ASPH: variants seen among roughly 807,000 people sequenced by gnomAD.
The protein encoded by ASPH is aspartate beta-hydroxylase.
A neutral mutation model predicts 118.4 loss-of-function variants in ASPH; 100 were observed. The ratio of observed to expected loss-of-function variants is 0.84; its 90% CI spans 0.72 to 1.00. ASPH has a LOEUF of 1.00. Among genes scored for constraint, ASPH ranks in the 50% least tolerant of loss-of-function variants. The probability of loss-of-function intolerance (pLI) is 0.00; values close to 1 mark genes in which losing one functional copy is unlikely to be tolerated. For missense variants in ASPH, 920 were observed against 919.5 expected (o/e 1.00, Z -0.01); for synonymous variants, 315 against 325.6 (o/e 0.97, Z 0.35).
intron 14 of ASPH, among the ~76,000 whole-genome samples, chr8:61,617,564 A>C (rs1849465888): frequency 6.6e-6 from 1 of 152,186 alleles, no homozygotes; most frequent in South Asian, 2.1e-4. Context: ...GAGTCAGCCA[A>C]CGGTTTCTGA....
At chr8:61,628,548 G>A (rs189206128) in intron 13 of ASPH, among the ~76,000 whole-genome samples, 17 of 152,030 alleles carry the variant, frequency 1.1e-4, no homozygotes, top group Admixed American at 6.6e-4. Flanking sequence ...TCTTTCACCC[G>A]TCTGGCATGC....
At chr8:61,595,288 A>C (rs1842208652) in intron 14 of ASPH, among the ~76,000 whole-genome samples, 1 of 152,230 alleles carries the variant, frequency 6.6e-6, no homozygotes, top group South Asian at 2.1e-4. Flanking sequence ...AGTAAGAAAT[A>C]GTTAAGTTTA....
intron 13 of ASPH, among the ~76,000 whole-genome samples, chr8:61,629,180 C>T (rs1269756346): frequency 1.3e-5 from 2 of 152,128 alleles, no homozygotes; most frequent in African/African-American, 4.8e-5. Flanking sequence ...GCAGAATTAC[C>T]CAGAAACCAT....
At chr8:61,696,612 C>T (rs145202344) in intron 1 of ASPH, among the ~76,000 whole-genome samples, 16 of 151,878 alleles carry the variant, frequency 1.1e-4, no homozygotes, top group Non-Finnish European at 8.8e-5. Flanking sequence ...GCTCTGCAAA[C>T]GTAATTATTT....
chr8:61,600,159 T>C (rs1283452591), intron 14 of ASPH, among the ~76,000 whole-genome samples: 1 of 152,124 alleles, frequency 6.6e-6, no homozygotes, highest in African/African-American at 2.4e-5. Flanking sequence ...ATCATCTCAA[T>C]AGTTGCAGAA....
At chr8:61,541,247 C>T (rs10098174) in intron 21 of ASPH, among the ~76,000 whole-genome samples, 83,460 of 152,006 alleles carry the variant, frequency 0.55, 26,235 homozygotes, top group Non-Finnish European at 0.7. Context: ...ACCTGTAGTC[C>T]CAGCTACTTG....
chr8:61,653,469 A>G (rs1279214141), intron 4 of ASPH, 99 bp downstream of exon 4: 2 of 1,113,820 alleles, frequency 1.8e-6, no homozygotes, highest in African/African-American at 3.2e-5. Context: ...TCTGTAAATG[A>G]TGTGAAACAA....
chr8:61,714,149 G>C, intron 1 of ASPH, 120 bp downstream of exon 1: 1 of 1,261,792 alleles, frequency 7.9e-7, no homozygotes, highest in African/African-American at 1.6e-5. Flanking sequence ...GAGGAGCGTC[G>C]CGGGGGATGG....
intron 24 of ASPH, among the ~76,000 whole-genome samples, chr8:61,504,921 C>A (rs1305800593): frequency 6.6e-6 from 1 of 152,116 alleles, no homozygotes; most frequent in African/African-American, 2.4e-5. Context: ...GGGAACTGAA[C>A]CTCTACTTCT....
At chr8:61,635,068 T>C (rs1254989372) in intron 12 of ASPH, among the ~76,000 whole-genome samples, 4 of 152,186 alleles carry the variant, frequency 2.6e-5, no homozygotes, top group Non-Finnish European at 4.4e-5. Context: ...TTGAACCCAC[T>C]TCATTCTGTA....
chr8:61,576,716 C>T (rs1239906589), intron 16 of ASPH, 56 bp downstream of exon 16: 4 of 1,469,326 alleles, frequency 2.7e-6, no homozygotes, highest in African/African-American at 1.4e-5. Flanking sequence ...AAAATTCAAT[C>T]ACACAAAACA....
chr8:61,710,652 G>A (rs887990658), intron 1 of ASPH, among the ~76,000 whole-genome samples: 2 of 152,156 alleles, frequency 1.3e-5, no homozygotes, highest in East Asian at 1.9e-4. Context: ...AATAGCTGAC[G>A]GTTCTTGCAG....
intron 1 of ASPH, among the ~76,000 whole-genome samples, chr8:61,712,609 CAG>C (rs1030628389): frequency 6.6e-6 from 1 of 152,150 alleles, no homozygotes; most frequent in Admixed American, 6.5e-5. Flanking sequence ...CAAATATGGG[CAG>C]AGTTTGTTCT....
chr8:61,643,626 AAATGGGATTTGTACCCAG>A (rs1275545202), intron 8 of ASPH, among the ~76,000 whole-genome samples, 193 bp from the exon 9 acceptor site: 74 of 152,362 alleles, frequency 4.9e-4, no homozygotes, highest in African/African-American at 1.7e-3. Flanking sequence ...GAAAGAGTAG[AAATGGGATTTGTACCCAG>A]AATGACTTTA....
chr8:61,680,040 T>A (rs1827284217), intron 3 of ASPH, among the ~76,000 whole-genome samples: 1 of 151,566 alleles, frequency 6.6e-6, no homozygotes, highest in African/African-American at 2.4e-5. Flanking sequence ...TATTTGGAAC[T>A]TTATTTCATA....
chr8:61,633,655 G>A, intron 13 of ASPH, 28 bp downstream of exon 13: 1 of 1,571,832 alleles, frequency 6.4e-7, no homozygotes, highest in Non-Finnish European at 8.6e-7. Context: ...TAACAAAAGA[G>A]GAAAATACAA....
intron 13 of ASPH, among the ~76,000 whole-genome samples, chr8:61,632,964 G>C (rs1008892648): frequency 2.0e-5 from 3 of 152,126 alleles, no homozygotes; most frequent in Non-Finnish European, 2.9e-5. Flanking sequence ...ATACACTTGG[G>C]AAAGAGGTAG....
At chr8:61,634,822 T>C (rs1857057446) in intron 12 of ASPH, among the ~76,000 whole-genome samples, 1 of 152,222 alleles carries the variant, frequency 6.6e-6, no homozygotes, top group Non-Finnish European at 1.5e-5. Context: ...AAAGTATTAG[T>C]TGCTGCTTTT....
chr8:61,714,138 G>A lies in ASPH; in HGVS notation c.103+131C>T, dbSNP rs979862523. 49 of 1,254,020 alleles carry A rather than the reference G, an allele frequency of 3.9e-5. 1 individual carries two copies. The South Asian group carries it at 1.2e-3, about 30-fold the overall frequency. The allele number at this position is 1,254,020 out of a possible 1,614,324, so 77.7% of individuals were successfully genotyped here. ...GCGGCCTCCGCCCCGCGCGCCTAAA[G>A]GAGGAGCGTCGCGGGGGATGGAGGC... On this transcript the variant is annotated intron_variant, in intron 1 of 24. Transcript: ENST00000379454.
Sources: gnomAD v4.1 joint callset for allele counts (sites outside exome capture counted in the v4.1 genomes callset) on GRCh38, gnomAD v4.1.1 for gene constraint, MANE v1.5 for transcripts, NCBI Gene and HGNC (gene_info 2026-07-23, HGNC 2026-07-21) for gene names.